Variants in CSMD3 observed in about 807,000 individuals in gnomAD.
CSMD3 encodes CUB and sushi domain-containing protein 3.
In CSMD3, 177 loss-of-function variants were observed where a neutral mutation model predicts 435.2. The ratio of observed to expected loss-of-function variants is 0.41; its 90% confidence interval spans 0.36 to 0.46. The LOEUF is 0.46. Among genes scored for constraint, CSMD3 ranks in the 20% least tolerant of loss-of-function variants. The pLI, the probability that CSMD3 is intolerant of heterozygous loss-of-function variation, is 0.34. For missense variants in CSMD3, 4,265 were observed against 4,504.6 expected (o/e 0.95, Z 1.52); for synonymous variants, 1,656 against 1,520.5 (o/e 1.09, Z -2.07).
intron 38 of CSMD3, among the ~76,000 whole-genome samples, chr8:112,359,195 A>G (rs572585927): frequency 6.6e-6 from 1 of 152,314 alleles, no homozygotes; most frequent in South Asian, 2.1e-4. Context: ...GCAGCATTAT[A>G]CTGTATACAT....
At chr8:112,702,879 T>C (rs1251864696) in intron 13 of CSMD3, among the ~76,000 whole-genome samples, 2 of 152,108 alleles carry the variant, frequency 1.3e-5, no homozygotes, top group African/African-American at 4.8e-5. Context: ...CTGAAGCTAC[T>C]AGTGGCTCCC....
At chr8:112,974,830 T>G (rs1490578872) in intron 7 of CSMD3, among the ~76,000 whole-genome samples, 1 of 151,806 alleles carries the variant, frequency 6.6e-6, no homozygotes, top group African/African-American at 2.4e-5. Flanking sequence ...CTCTAAGTAT[T>G]GAGCACAATA....
At chr8:112,274,390 C>T (rs537144269) in intron 59 of CSMD3, among the ~76,000 whole-genome samples, 3 of 152,098 alleles carry the variant, frequency 2.0e-5, no homozygotes, top group South Asian at 4.2e-4. Context: ...TATGCATAGC[C>T]CAGCAGACTC....
At chr8:112,870,209 A>T (rs1657233019) in intron 10 of CSMD3, among the ~76,000 whole-genome samples, 1 of 151,980 alleles carries the variant, frequency 6.6e-6, no homozygotes, top group Admixed American at 6.6e-5. Context: ...AACATCAGTA[A>T]TCATTAGAGA....
At chr8:112,406,053 G>A (rs1173793913) in intron 35 of CSMD3, among the ~76,000 whole-genome samples, 1 of 151,792 alleles carries the variant, frequency 6.6e-6, no homozygotes, top group Non-Finnish European at 1.5e-5. Context: ...GCAACACAAT[G>A]AATAAAAACT....
chr8:112,646,739 T>C (rs544690213), intron 19 of CSMD3, among the ~76,000 whole-genome samples: 1 of 152,194 alleles, frequency 6.6e-6, no homozygotes, highest in Non-Finnish European at 1.5e-5. Flanking sequence ...AGATTTCTGT[T>C]ATTTGAAAAT....
At chr8:112,381,450 G>T (rs1484160351) in intron 37 of CSMD3, among the ~76,000 whole-genome samples, 2 of 152,128 alleles carry the variant, frequency 1.3e-5, no homozygotes, top group African/African-American at 4.8e-5. Flanking sequence ...AGTTTCAAAT[G>T]GCAAGCATGA....
chr8:112,538,187 A>T (rs1256168633), intron 27 of CSMD3, among the ~76,000 whole-genome samples: 1 of 152,100 alleles, frequency 6.6e-6, no homozygotes, highest in East Asian at 1.9e-4. Flanking sequence ...TTATGGAAGG[A>T]ATATATCTAA....
At chr8:112,376,178 A>C (rs941513955) in intron 38 of CSMD3, among the ~76,000 whole-genome samples, 1 of 152,084 alleles carries the variant, frequency 6.6e-6, no homozygotes, top group African/African-American at 2.4e-5. Context: ...TATATCTATT[A>C]CTGTATTCAA....
At chr8:113,353,291 A>G (rs1292191379) in intron 1 of CSMD3, among the ~76,000 whole-genome samples, 4 of 151,926 alleles carry the variant, frequency 2.6e-5, no homozygotes, top group African/African-American at 9.7e-5. Flanking sequence ...ACATATGAAT[A>G]ATAGTGGCCT....
At chr8:113,030,592 C>T (rs1370387978) in intron 5 of CSMD3, among the ~76,000 whole-genome samples, 1 of 150,998 alleles carries the variant, frequency 6.6e-6, no homozygotes, top group Non-Finnish European at 1.5e-5. Context: ...CACAGAAAAT[C>T]TTTGAGATCT....
At chr8:112,693,288 G>A (rs772776227) in intron 13 of CSMD3, among the ~76,000 whole-genome samples, 1 of 152,028 alleles carries the variant, frequency 6.6e-6, no homozygotes, top group Non-Finnish European at 1.5e-5. Flanking sequence ...TAGGTGATTG[G>A]GGGTGACACT....
At chr8:112,458,099 T>TA (rs1172349360) in intron 32 of CSMD3, among the ~76,000 whole-genome samples, 1 of 151,750 alleles carries the variant, frequency 6.6e-6, no homozygotes, top group Admixed American at 6.6e-5. Context: ...TTTTCAATAA[T>TA]AAAAAAATAC....
At chr8:113,150,278 T>A (rs2091776428) in intron 4 of CSMD3, among the ~76,000 whole-genome samples, 1 of 151,906 alleles carries the variant, frequency 6.6e-6, no homozygotes, top group Non-Finnish European at 1.5e-5. Context: ...TCAACTGACT[T>A]TAAATTTAGG....
chr8:112,248,221 A>G (rs562422423), intron 63 of CSMD3, among the ~76,000 whole-genome samples: 14 of 152,052 alleles, frequency 9.2e-5, no homozygotes, highest in Non-Finnish European at 1.9e-4. Flanking sequence ...TAGAATTTAT[A>G]CTCCACTCCA....
intron 3 of CSMD3, among the ~76,000 whole-genome samples, chr8:113,207,630 G>A (rs1351586218): frequency 3.9e-5 from 6 of 151,940 alleles, no homozygotes; most frequent in Admixed American, 6.6e-5. Flanking sequence ...TGATTTGCCT[G>A]CCTCGGTCTC....
At chr8:113,145,176 G>A (rs1448057133) in intron 4 of CSMD3, among the ~76,000 whole-genome samples, 1 of 151,464 alleles carries the variant, frequency 6.6e-6, no homozygotes, top group African/African-American at 2.4e-5. Context: ...GGTAGGAAAT[G>A]GACCAGTGAG....
At chr8:112,979,805 C>T (rs145308200) in intron 6 of CSMD3, among the ~76,000 whole-genome samples, 1 of 150,962 alleles carries the variant, frequency 6.6e-6, no homozygotes, top group African/African-American at 2.4e-5. Context: ...TTAGATTATC[C>T]TGTCATTAAG....
chr8:112,576,064 T>C (rs1047696026), intron 23 of CSMD3, among the ~76,000 whole-genome samples: 1 of 123,326 alleles, frequency 8.1e-6, no homozygotes, highest in Non-Finnish European at 1.9e-5. Flanking sequence ...TAAAATACAA[T>C]CAATTGTTTC....
Sources: allele counts gnomAD v4.1 joint callset (sites outside exome capture counted in the v4.1 genomes callset), GRCh38; gene constraint gnomAD v4.1.1; transcripts MANE v1.5; gene names NCBI Gene and HGNC (gene_info 2026-07-23, HGNC 2026-07-21).